Variants in HECTD2 observed in about 807,000 individuals in gnomAD.
HECTD2 encodes probable E3 ubiquitin-protein ligase HECTD2.
A neutral mutation model predicts 103.2 loss-of-function variants in HECTD2; 35 were observed. The observed-to-expected ratio is 0.34, with a 90% CI of 0.26 to 0.45. HECTD2 has a LOEUF of 0.45. HECTD2 is among the 20% of genes least tolerant of loss of function. HECTD2 has a pLI of 1.00. For missense variants in HECTD2, 596 were observed against 937.4 expected, an observed-to-expected ratio of 0.64 and a Z score of 4.76; for synonymous variants, 281 against 329.9, an observed-to-expected ratio of 0.85 and a Z score of 1.61.
chr10:91,485,291 G>A lies in HECTD2; in HGVS notation c.1082G>A (p.Gly361Glu). The A allele has an allele frequency of 6.3e-7, 1 of 1,590,896 alleles. No homozygotes were observed. Residue 361 changes from glycine (G) to glutamate (E), a missense_variant, in exon 10 of 21, where the codon GGA (glycine) becomes GAA (glutamate). By Grantham distance (98) the Gly-to-Glu change is moderately conservative. This residue lies in a region of HECTD2 where 303 missense variants were observed against 522.5 expected (regional missense o/e 0.58). Transcript: ENST00000298068. ...GAATATCATACTTGGCAAAACTTTG[G>A]AAACTCTCACAGGTATGAACAAAAG... Reference protein sequence around the residue: ...MEEYHTWQNFGNSHRFSFCQY... With the variant: ...MEEYHTWQNFENSHRFSFCQY...
At chr10:91,468,079 C>CT (rs1224087573) in intron 5 of HECTD2, among the ~76,000 whole-genome samples, 1 of 152,224 alleles carries the variant, frequency 6.6e-6, no homozygotes, top group Non-Finnish European at 1.5e-5. Context: ...CTCTGAGTGG[C>CT]TGCTGGCACA....
At chr10:91,423,339 G>A (rs1843428643) in intron 1 of HECTD2, among the ~76,000 whole-genome samples, 1 of 152,144 alleles carries the variant, frequency 6.6e-6, no homozygotes, top group South Asian at 2.1e-4. Flanking sequence ...ATATAGGAAT[G>A]TTATAATGTA....
chr10:91,513,309 T>C lies in HECTD2; in HGVS notation c.*925T>C, dbSNP rs1326738264. 1 of 152,634 alleles carries C rather than the reference T, an allele frequency of 6.6e-6. No homozygotes were observed. Among genetic ancestry groups the C allele is most frequent in the Non-Finnish European group, 1.5e-5 (1 of 68,014 alleles). 9.5% of individuals were successfully genotyped at this position (152,634 alleles called of 1,614,324 possible). ...AAATCTTTTGAATCATGTACAAGAC[T>C]TATATCTACATTTTTTGATCACCAG... On this transcript the variant is annotated 3_prime_UTR_variant, in exon 21 of 21. Coordinates refer to ENST00000298068, the MANE Select transcript of HECTD2 (RefSeq NM_182765.6).
chr10:91,498,816 C>G, intron 16 of HECTD2, 56 bp from the exon 17 acceptor site: 1 of 1,073,000 alleles, frequency 9.3e-7, no homozygotes, highest in Non-Finnish European at 1.4e-6. Context: ...AACCTGTTCA[C>G]CAAAGTATGT....
chr10:91,424,500 A>G (rs142473066), intron 1 of HECTD2, among the ~76,000 whole-genome samples: 39 of 152,266 alleles, frequency 2.6e-4, no homozygotes, highest in Non-Finnish European at 4.1e-4. Context: ...AAATTGGAAC[A>G]TAGTATAAAA....
At chr10:91,502,252 C>T (rs561248322) in intron 20 of HECTD2, among the ~76,000 whole-genome samples, 2 of 152,264 alleles carry the variant, frequency 1.3e-5, no homozygotes, top group African/African-American at 2.4e-5. Flanking sequence ...CTTTAGTCAA[C>T]AGGCTGTTTG....
intron 5 of HECTD2, among the ~76,000 whole-genome samples, chr10:91,476,227 CAAATG>C: frequency 6.6e-6 from 1 of 152,286 alleles, no homozygotes; most frequent in East Asian, 1.9e-4. Flanking sequence ...ATGTAGGACT[CAAATG>C]AAGGGATTGA....
At chr10:91,512,218 G>T in intron 20 of HECTD2, 46 bp from the exon 21 acceptor site, 2 of 1,592,390 alleles carry the variant, frequency 1.3e-6, no homozygotes, top group Non-Finnish European at 1.7e-6. Context: ...CAGTCATTTT[G>T]TGTGTGTTTC....
chr10:91,436,805 TG>T (rs1844138309), intron 2 of HECTD2, among the ~76,000 whole-genome samples: 1 of 152,082 alleles, frequency 6.6e-6, no homozygotes, highest in Admixed American at 6.6e-5. Context: ...TATTGGGGCT[TG>T]GTATTTAGCT....
intron 2 of HECTD2, among the ~76,000 whole-genome samples, chr10:91,451,528 A>G (rs1844827766): frequency 2.0e-5 from 3 of 152,248 alleles, no homozygotes; most frequent in African/African-American, 7.2e-5. Flanking sequence ...ATAATAAAAA[A>G]AAAAGATACA....
chr10:91,421,486 G>C (rs1227619624), intron 1 of HECTD2, among the ~76,000 whole-genome samples: 2 of 152,034 alleles, frequency 1.3e-5, no homozygotes, highest in African/African-American at 4.8e-5. Flanking sequence ...ACAAACTATG[G>C]CTGATGAGCT....
chr10:91,449,413 T>C (rs1475146859), intron 2 of HECTD2, among the ~76,000 whole-genome samples: 1 of 152,098 alleles, frequency 6.6e-6, no homozygotes, highest in African/African-American at 2.4e-5. Flanking sequence ...TAAGAACTAT[T>C]TATGACAAAC....
At chr10:91,433,966 C>T (rs1054778245) in intron 2 of HECTD2, among the ~76,000 whole-genome samples, 1 of 151,940 alleles carries the variant, frequency 6.6e-6, no homozygotes, top group African/African-American at 2.4e-5. Flanking sequence ...CTAAAGATAA[C>T]TTTATAGAGA....
At chr10:91,479,086 G>A (rs797004137) in intron 6 of HECTD2, among the ~76,000 whole-genome samples, 41 of 152,132 alleles carry the variant, frequency 2.7e-4, no homozygotes, top group African/African-American at 8.4e-4. Flanking sequence ...TGGTTGCACC[G>A]TCCTGTAATT....
rs961796856 is a variant in HECTD2 at position 91,485,443 on chromosome 10, A to G, written c.1094+140A>G. The G allele has an allele frequency of 4.5e-5, 26 of 574,982 alleles. No homozygotes were observed. The East Asian group carries it at 8.8e-4, about 19-fold the overall frequency. 35.6% of individuals were successfully genotyped at this position (574,982 alleles called of 1,614,324 possible). ...ATAGTTCAGATAGCCTTGAAATATC[A>G]TATTTATTAAAGTATTTTCTTTTTC... On this transcript the variant is annotated intron_variant, in intron 10 of 20. Coordinates refer to ENST00000298068, the MANE Select transcript of HECTD2 (RefSeq NM_182765.6).
chr10:91,477,230 G>A (rs1038122301), intron 5 of HECTD2, among the ~76,000 whole-genome samples: 4 of 152,010 alleles, frequency 2.6e-5, no homozygotes, highest in Non-Finnish European at 5.9e-5. Context: ...CAGATGCCAA[G>A]TGTGTAGCAA....
chr10:91,502,464 G>A (rs1435392766), intron 20 of HECTD2, among the ~76,000 whole-genome samples: 1 of 152,116 alleles, frequency 6.6e-6, no homozygotes, highest in Admixed American at 6.6e-5. Context: ...TTATATCTGA[G>A]TCATTTAGTT....
At chr10:91,420,397 A>C (rs1171739307) in intron 1 of HECTD2, among the ~76,000 whole-genome samples, 1 of 151,448 alleles carries the variant, frequency 6.6e-6, no homozygotes, top group African/African-American at 2.4e-5. Context: ...CAGCCTGATC[A>C]ACATGGTGAA....
At chr10:91,506,351 G>C (rs1847173570) in intron 20 of HECTD2, among the ~76,000 whole-genome samples, 1 of 151,376 alleles carries the variant, frequency 6.6e-6, no homozygotes, top group Admixed American at 6.6e-5. Context: ...TTTTTGAAAG[G>C]ATCAACAAAA....
Sources: allele counts gnomAD v4.1 joint callset (sites outside exome capture counted in the v4.1 genomes callset), GRCh38; gene constraint gnomAD v4.1.1; regional missense constraint gnomAD v4.1.1; transcripts MANE v1.5; gene names NCBI Gene and HGNC (gene_info 2026-07-23, HGNC 2026-07-21).